Variants in SFMBT1 observed in about 807,000 individuals in gnomAD.
SFMBT1 encodes the protein Scm like with four mbt domains 1, also known as scm-like with four MBT domains protein 1.
A neutral mutation model predicts 108.7 loss-of-function variants in SFMBT1; 32 were observed. The observed-to-expected ratio is 0.29, with a 90% CI of 0.22 to 0.40. SFMBT1 has a LOEUF of 0.40. Among genes scored for constraint, SFMBT1 ranks in the 10% least tolerant of loss-of-function variants. The pLI is 1.00. For synonymous variants in SFMBT1, 348 were observed against 369.5 expected (o/e 0.94, Z 0.67); for missense variants, 816 against 1,059.6 (o/e 0.77, Z 3.19).
intron 1 of SFMBT1, among the ~76,000 whole-genome samples, chr3:53,009,949 T>C (rs1190221389): frequency 6.6e-6 from 1 of 152,180 alleles, no homozygotes. Context: ...GGGTTGGTCT[T>C]GCTGTCTCAG....
At chr3:53,013,615 CTTTTTTTTTTTTTTTTTT>C (rs397989629) in intron 1 of SFMBT1, among the ~76,000 whole-genome samples, 3 of 58,082 alleles carry the variant, frequency 5.2e-5, no homozygotes, top group African/African-American at 1.7e-4. Flanking sequence ...TATAAAGAAT[CTTTTTTTTTTTTTTTTTT>C]TTTTTTTTTT....
chr3:53,030,993 TTCTC>T (rs1205309297), intron 1 of SFMBT1, among the ~76,000 whole-genome samples: 1 of 152,144 alleles, frequency 6.6e-6, no homozygotes, highest in Non-Finnish European at 1.5e-5. Context: ...ATTCCCAATC[TTCTC>T]CATTTCCAAG....
At position 52,926,101 on chromosome 3, in the gene SFMBT1, T is replaced by C; in HGVS notation, c.1061A>G (p.Gln354Arg). ...GAGGTAGTCAGCCCAGTCAAAGTCC[T>C]GGCTTGGGTAGCCTAGGTGGGGACA... ...HISPPPGYPS[Q>R]DFDWADYLKQ... The change falls in exon 10 of 21, where the codon CAG (glutamine) becomes CGG (arginine). Residue 354 changes from glutamine to arginine, a missense_variant. This residue lies in a region of SFMBT1 where 495 missense variants were observed against 607.4 expected (regional missense o/e 0.81). Transcript: ENST00000394752. 1 of 1,604,810 alleles carries C rather than the reference T, an allele frequency of 6.2e-7. No individual in the cohort carries two copies.
chr3:52,971,049 C>T (rs59712856), intron 1 of SFMBT1, among the ~76,000 whole-genome samples: 3,904 of 151,930 alleles, frequency 0.026, 181 homozygotes, highest in African/African-American at 0.089. Flanking sequence ...GCAGGAGAAT[C>T]GCTTGAGCCC....
At position 52,979,134 on chromosome 3, in the gene SFMBT1, T is replaced by C. The variant is rs184128018; in HGVS notation, c.-130-9876A>G. Among the ~76,000 whole-genome samples, 15 of 152,192 alleles carry C rather than the reference T, an allele frequency of 9.9e-5. No homozygotes were observed. In the East Asian group the frequency reaches 1.5e-3, roughly 16 times the overall value. Reference sequence around the variant, plus strand: ...TCAGTAAAACTATAAAAATGGTACTTATATTCAAGGACATAACTGTGCTTT... The same window carrying C: ...TCAGTAAAACTATAAAAATGGTACTCATATTCAAGGACATAACTGTGCTTT... On this transcript the variant is annotated intron_variant, in intron 1 of 20. Transcript: ENST00000394752.
At chr3:52,907,838 T>C (rs896267644) in intron 17 of SFMBT1, 105 bp from the exon 18 acceptor site, 3 of 1,049,366 alleles carry the variant, frequency 2.9e-6, no homozygotes, top group Non-Finnish European at 4.1e-6. Flanking sequence ...ACATTGTATT[T>C]GATTGGGGTT....
Position 52,992,313 on chromosome 3 carries a change from T to C in SFMBT1, c.-130-23055A>G, listed in dbSNP as rs139806780. On this transcript the variant is annotated intron_variant, in intron 1 of 20. Transcript: ENST00000394752. ...AAACAGAATACAAAAGAATAAAGTATTGTTTATAATACAAAGGGTAAGTGT... is the reference window on the plus strand; with the variant it reads ...AAACAGAATACAAAAGAATAAAGTACTGTTTATAATACAAAGGGTAAGTGT... Among the ~76,000 whole-genome samples the C allele has an allele frequency of 2.2e-3, 337 of 152,328 alleles. 1 individual carries two copies. Among genetic ancestry groups the C allele is most frequent in the African/African-American group, 7.1e-3 (296 of 41,576 alleles).
At chr3:52,939,354 A>G (rs946620564) in intron 4 of SFMBT1, among the ~76,000 whole-genome samples, 2 of 152,184 alleles carry the variant, frequency 1.3e-5, no homozygotes, top group African/African-American at 4.8e-5. Context: ...CGGGCAGATC[A>G]CTAGAGGTCA....
intron 1 of SFMBT1, among the ~76,000 whole-genome samples, chr3:53,036,045 G>A (rs141333673): frequency 1.3e-5 from 2 of 152,272 alleles, no homozygotes; most frequent in Admixed American, 1.3e-4. Context: ...ACATTTATCA[G>A]TCACAATCAA....
intron 8 of SFMBT1, chr3:52,928,639 T>TATATACATATATATACATATATATATAC (rs1559514069): frequency 2.6e-3 from 46 of 17,948 alleles, no homozygotes; most frequent in Non-Finnish European, 0.019. Flanking sequence ...TATATATACA[T>TATATACATATATATACATATATATATAC]ATATATATAT....
chr3:52,956,628 G>A (rs1703793824), intron 2 of SFMBT1, among the ~76,000 whole-genome samples: 1 of 152,100 alleles, frequency 6.6e-6, no homozygotes, highest in Non-Finnish European at 1.5e-5. Context: ...GGGTGTGGTG[G>A]CGTGCGCTTA....
chr3:52,970,799 T>G (rs946701835), intron 1 of SFMBT1, among the ~76,000 whole-genome samples: 1 of 152,202 alleles, frequency 6.6e-6, no homozygotes, highest in Non-Finnish European at 1.5e-5. Context: ...ATACCACTTT[T>G]GCCTGAAAAG....
chr3:53,012,205 C>A (rs1698965946), intron 1 of SFMBT1, among the ~76,000 whole-genome samples: 1 of 152,168 alleles, frequency 6.6e-6, no homozygotes, highest in East Asian at 1.9e-4. Flanking sequence ...CTTGCCACTA[C>A]AAAGGTTACT....
intron 2 of SFMBT1, among the ~76,000 whole-genome samples, chr3:52,961,188 T>G (rs1278052294): frequency 1.3e-5 from 2 of 151,836 alleles, no homozygotes; most frequent in African/African-American, 4.8e-5. Flanking sequence ...GACATTATGC[T>G]AAGAGAAATA....
Position 53,040,807 on chromosome 3 carries a change from T to G in SFMBT1, c.-131+5009A>C, listed in dbSNP as rs115257145. Reference sequence around the variant, plus strand: ...CACACAATATACAGACTACTTTTTTTTTTGTTTTTATTTATTTTTTTGAGA... The same window carrying G: ...CACACAATATACAGACTACTTTTTTGTTTGTTTTTATTTATTTTTTTGAGA... On this transcript the variant is annotated intron_variant, in intron 1 of 20. Transcript: ENST00000394752. Among the ~76,000 whole-genome samples, 1,331 of 151,618 alleles carry G rather than the reference T, an allele frequency of 8.8e-3. 15 individuals are homozygous for G. Among genetic ancestry groups the G allele is most frequent in the African/African-American group, 0.031 (1,272 of 41,342 alleles).
chr3:52,991,960 T>C (rs1380777983), intron 1 of SFMBT1, among the ~76,000 whole-genome samples: 1 of 152,174 alleles, frequency 6.6e-6, no homozygotes, highest in Non-Finnish European at 1.5e-5. Context: ...ACATCATCCA[T>C]CCCCGAGGAG....
At chr3:53,038,518 G>A (rs1575455496) in intron 1 of SFMBT1, among the ~76,000 whole-genome samples, 1 of 152,078 alleles carries the variant, frequency 6.6e-6, no homozygotes, top group South Asian at 2.1e-4. Flanking sequence ...ACAGTATTAG[G>A]AAACTCATCC....
intron 13 of SFMBT1, 106 bp from the exon 14 acceptor site, chr3:52,916,320 G>T: frequency 1.1e-6 from 1 of 871,338 alleles, no homozygotes. Context: ...TGGCATGTTC[G>T]CAAAATCTGT....
At chr3:52,943,631 C>A in intron 3 of SFMBT1, 38 bp from the exon 4 acceptor site, 1 of 1,613,812 alleles carries the variant, frequency 6.2e-7, no homozygotes, top group Non-Finnish European at 8.5e-7. Flanking sequence ...AGACAAGTAT[C>A]TTAAATGAGT....
Sources: allele counts gnomAD v4.1 joint callset (sites outside exome capture counted in the v4.1 genomes callset), GRCh38; gene constraint gnomAD v4.1.1; regional missense constraint gnomAD v4.1.1; transcripts MANE v1.5; gene names NCBI Gene and HGNC (gene_info 2026-07-23, HGNC 2026-07-21).